AIG1: variants seen among roughly 807,000 people sequenced by gnomAD.
AIG1 encodes androgen induced 1.
Under a neutral mutation model 31.4 loss-of-function variants are expected in AIG1, and 23 were observed. The ratio of observed to expected loss-of-function variants is 0.73; its 90% CI spans 0.53 to 1.04. The LOEUF is 1.04. Ranked by LOEUF, AIG1 falls within the 50% of genes least tolerant of loss-of-function variation. The pLI, the probability that AIG1 is intolerant of heterozygous loss-of-function variation, is 0.00. For synonymous variants in AIG1, 100 were observed against 110.5 expected (o/e 0.90, Z 0.60); for missense variants, 274 against 295.0 (o/e 0.93, Z 0.52).
rs996754636 is a variant in AIG1 at position 143,331,497 on chromosome 6, T to A, written c.516-1785T>A. ...CTGGCTTATTTTGCTTAGCATAATG[T>A]TTTCAAGGTCCATCCATGTTGTAGC... On this transcript the variant is annotated intron_variant, in intron 4 of 5. Coordinates refer to ENST00000357847, the MANE Select transcript of AIG1 (RefSeq NM_016108.4). The surrounding 1 kb of genome is among the most constrained non-coding windows in gnomAD (Gnocchi z 4.1). Among the ~76,000 whole-genome samples, 1 of 152,178 alleles carries A rather than the reference T, an allele frequency of 6.6e-6. No individual in the cohort carries two copies. Among genetic ancestry groups the A allele is most frequent in the Non-Finnish European group, 1.5e-5 (1 of 68,022 alleles).
chr6:143,224,970 T>G (rs934399738), intron 3 of AIG1, among the ~76,000 whole-genome samples: 3 of 152,178 alleles, frequency 2.0e-5, no homozygotes, highest in African/African-American at 7.2e-5. Context: ...CATTGCCCGC[T>G]TAATAAAGTT....
rs1789401818 is a variant in AIG1, at chr6:143,187,754, T to G, written c.399+22571T>G. 7.8e-6 allele frequency: 12 copies of G among 1,530,444 alleles called. No individual in the cohort carries two copies. In the East Asian group the frequency reaches 2.9e-4, roughly 37 times the overall value. 94.8% of individuals were successfully genotyped at this position (1,530,444 alleles called of 1,614,324 possible). On this transcript the variant is annotated intron_variant, in intron 3 of 5. Coordinates refer to ENST00000357847, the MANE Select transcript of AIG1 (RefSeq NM_016108.4). Reference sequence around the variant, plus strand: ...AGGATTGACCTGGTGCCATGCATGCTGCTCTGCACAAGAAGGACATTTGGA... The same window carrying G: ...AGGATTGACCTGGTGCCATGCATGCGGCTCTGCACAAGAAGGACATTTGGA...
chr6:143,096,127 C>T (rs914369119), intron 1 of AIG1, among the ~76,000 whole-genome samples: 6 of 151,958 alleles, frequency 3.9e-5, no homozygotes, highest in Middle Eastern at 3.4e-3. Flanking sequence ...AGGGTGGTCT[C>T]GATCTCCTGA....
intron 3 of AIG1, among the ~76,000 whole-genome samples, chr6:143,278,151 C>T (rs971131252): frequency 5.3e-5 from 8 of 152,200 alleles, no homozygotes; most frequent in Admixed American, 1.3e-4. Flanking sequence ...CCATTACATT[C>T]GTCTGTCAGA....
chr6:143,171,541 T>C (rs1272982747), intron 3 of AIG1, among the ~76,000 whole-genome samples: 1 of 133,154 alleles, frequency 7.5e-6, no homozygotes, highest in Non-Finnish European at 1.5e-5. Flanking sequence ...ATATATATTA[T>C]ATATATATAA....
intron 2 of AIG1, among the ~76,000 whole-genome samples, chr6:143,153,670 A>G (rs1413987054): frequency 6.6e-6 from 1 of 152,022 alleles, no homozygotes; most frequent in Non-Finnish European, 1.5e-5. Context: ...TGCATTTATT[A>G]CTATAAAAGA....
chr6:143,087,697 A>G (rs1368712621), intron 1 of AIG1, among the ~76,000 whole-genome samples: 1 of 152,244 alleles, frequency 6.6e-6, no homozygotes, highest in East Asian at 1.9e-4. Context: ...GAGGGGACCC[A>G]AAAGGGGTTG....
chr6:143,315,094 C>CA (rs1256122217), intron 4 of AIG1, among the ~76,000 whole-genome samples: 1 of 151,872 alleles, frequency 6.6e-6, no homozygotes, highest in Non-Finnish European at 1.5e-5. Flanking sequence ...ATACCACTAC[C>CA]AAAAACAGAA....
At chr6:143,214,856 C>T (rs1791894750) in intron 3 of AIG1, among the ~76,000 whole-genome samples, 1 of 152,174 alleles carries the variant, frequency 6.6e-6, no homozygotes, top group Non-Finnish European at 1.5e-5. Context: ...AATAGCTGTG[C>T]TCCTGTTTCT....
intron 1 of AIG1, chr6:143,126,343 C>T (rs1381367354): frequency 6.6e-6 from 1 of 152,136 alleles, no homozygotes; most frequent in Non-Finnish European, 1.5e-5. Flanking sequence ...AGAATTGCTA[C>T]CGGGTGTTCA....
chr6:143,311,296 T>C (rs1775252987), intron 4 of AIG1, among the ~76,000 whole-genome samples: 1 of 151,886 alleles, frequency 6.6e-6, no homozygotes, highest in Admixed American at 6.6e-5. Flanking sequence ...ATGGAAATGA[T>C]AAATACTCAA....
At chr6:143,130,704 G>A (rs1583273718) in intron 1 of AIG1, among the ~76,000 whole-genome samples, 1 of 152,102 alleles carries the variant, frequency 6.6e-6, no homozygotes, top group East Asian at 1.9e-4. Context: ...GGGAGACAGA[G>A]CAAGACTCTG....
chr6:143,161,498 A>C (rs1786365685), intron 2 of AIG1, among the ~76,000 whole-genome samples: 1 of 151,632 alleles, frequency 6.6e-6, no homozygotes, highest in Non-Finnish European at 1.5e-5. Context: ...TTTGCAAAGT[A>C]TCAGCAGATT....
chr6:143,251,122 G>A (rs1794979805), intron 3 of AIG1, among the ~76,000 whole-genome samples: 1 of 152,122 alleles, frequency 6.6e-6, no homozygotes, highest in African/African-American at 2.4e-5. Context: ...GCGCAATCTC[G>A]GCTCACTGAG....
chr6:143,173,151 G>T (rs369877976), intron 3 of AIG1, among the ~76,000 whole-genome samples: 1 of 152,106 alleles, frequency 6.6e-6, no homozygotes, highest in East Asian at 1.9e-4. Context: ...CGCCTCCTGG[G>T]TTCAAGCAGT....
intron 1 of AIG1, among the ~76,000 whole-genome samples, chr6:143,128,613 A>T (rs941401513): frequency 7.9e-5 from 12 of 152,232 alleles, no homozygotes; most frequent in South Asian, 2.1e-4. Flanking sequence ...TAATACTTCA[A>T]GGTAATCCTG....
chr6:143,073,822 C>T (rs1286443591), intron 1 of AIG1, among the ~76,000 whole-genome samples: 1 of 152,162 alleles, frequency 6.6e-6, no homozygotes, highest in Non-Finnish European at 1.5e-5. Context: ...TGTAAACAGC[C>T]AGATCTCACG....
At chr6:143,071,180 C>T (rs72988565) in intron 1 of AIG1, among the ~76,000 whole-genome samples, 5,712 of 152,298 alleles carry the variant, frequency 0.038, 142 homozygotes, top group African/African-American at 0.063. Context: ...GTATCCATAA[C>T]CATACATATG....
rs1471346882 is a variant in AIG1 at position 143,333,363 on chromosome 6, C to T, written c.597C>T (p.Phe199=). The change falls in exon 5 of 6, where the codon TTC becomes TTT. Residue 199 remains phenylalanine, a synonymous_variant. Coordinates refer to ENST00000357847, the MANE Select transcript of AIG1 (RefSeq NM_016108.4). This position sits in a 1 kb window ranked among gnomAD's most constrained non-coding sequence, Gnocchi z 4.6. ...EHIGPGARII[F]FGSTTILMNF... ...TTGGCCCAGGAGCCAGAATCATCTT[C>T]TTTGGGTCTACAACCATCTTAATGA... The T allele has an allele frequency of 6.2e-7, 1 of 1,613,954 alleles. No homozygotes were observed. The highest frequency in any genetic ancestry group is 2.2e-5 in the East Asian group (1 of 44,894).
Sources: gnomAD v4.1 joint callset for allele counts (sites outside exome capture counted in the v4.1 genomes callset) on GRCh38, gnomAD v4.1.1 for gene constraint, Gnocchi (gnomAD v3.1) non-coding constraint, MANE v1.5 for transcripts, NCBI Gene and HGNC (gene_info 2026-07-23, HGNC 2026-07-21) for gene names.